The following FAM83B variants were observed in gnomAD, a reference collection of about 807,000 sequenced individuals.
FAM83B encodes the protein protein FAM83B.
FAM83B carries 26 observed loss-of-function variants against 38.8 expected under a neutral mutation model. The observed-to-expected ratio is 0.67, with a 90% confidence interval of 0.49 to 0.93. The LOEUF (loss-of-function observed/expected upper bound fraction) is 0.93, where lower values mean the gene tolerates loss of function less well. Among genes scored for constraint, FAM83B ranks in the 40% least tolerant of loss-of-function variants. FAM83B has a pLI of 0.00. For synonymous variants in FAM83B, 419 were observed against 423.1 expected (o/e 0.99, Z 0.12); for missense variants, 1,237 against 1,197.3 (o/e 1.03, Z -0.49).
Position 54,891,817 on chromosome 6 carries a change from CT to C in FAM83B, c.444+21135del, listed in dbSNP as rs796834812. ...TGTCATCAGGCACTGGGTTTTGTTT[CT>C]TTTTTTTCTTTTTCTTAAAATAGAG... On this transcript the variant is annotated intron_variant, in intron 2 of 4. Coordinates refer to ENST00000306858, the MANE Select transcript of FAM83B (RefSeq NM_001010872.3). 6.8e-3 allele frequency among the ~76,000 whole-genome samples: 1,033 copies of C among 151,906 alleles called. 12 individuals are homozygous for C. The highest frequency in any genetic ancestry group is 0.024 in the African/African-American group (998 of 41,430).
intron 1 of FAM83B, among the ~76,000 whole-genome samples, chr6:54,859,024 A>G (rs1291138257): frequency 6.6e-6 from 1 of 152,098 alleles, no homozygotes; most frequent in Non-Finnish European, 1.5e-5. Flanking sequence ...CAGTTTCTGT[A>G]TGGGCATTAT....
At chr6:54,927,728 T>TAAAAAAAA (rs1049777485) in intron 4 of FAM83B, 96 bp downstream of exon 4, 133 of 98,860 alleles carry the variant, frequency 1.3e-3, no homozygotes, top group African/African-American at 4.5e-3. Context: ...TTCTTAAAAG[T>TAAAAAAAA]AAAAAAAAAA....
At chr6:54,857,948 A>T (rs1771481118) in intron 1 of FAM83B, among the ~76,000 whole-genome samples, 1 of 152,138 alleles carries the variant, frequency 6.6e-6, no homozygotes, top group South Asian at 2.1e-4. Context: ...CCTAAGTTGG[A>T]AATTAACTCA....
In FAM83B at chr6:54,921,608, A is replaced by G. The variant is rs116477636; in HGVS notation, c.445-4763A>G. Among the ~76,000 whole-genome samples, 1,017 of 152,130 alleles carry G rather than the reference A, an allele frequency of 6.7e-3. 14 individuals are homozygous for G. Among genetic ancestry groups the G allele is most frequent in the African/African-American group, 0.024 (983 of 41,534 alleles). ...TGTGAATTCATGACAAGAATTAATGAAGAAGCAAGTACATAATTTAAGAAA... is the reference window on the plus strand; with the variant it reads ...TGTGAATTCATGACAAGAATTAATGGAGAAGCAAGTACATAATTTAAGAAA... On this transcript the variant is annotated intron_variant, in intron 2 of 4. Coordinates refer to ENST00000306858, the MANE Select transcript of FAM83B (RefSeq NM_001010872.3).
chr6:54,907,033 CAG>C (rs1474228782), intron 2 of FAM83B, among the ~76,000 whole-genome samples: 2 of 152,094 alleles, frequency 1.3e-5, no homozygotes, highest in African/African-American at 4.8e-5. Context: ...TAAGGGTGAA[CAG>C]TAGCATCAAA....
chr6:54,848,165 A>G lies in FAM83B; in HGVS notation c.-61+1339A>G, dbSNP rs1258045430. Among the ~76,000 whole-genome samples the G allele has an allele frequency of 2.6e-5, 4 of 152,202 alleles. No homozygotes were observed. The South Asian group carries it at 6.2e-4, about 24-fold the overall frequency. On this transcript the variant is annotated intron_variant, in intron 1 of 4. Coordinates refer to ENST00000306858, the MANE Select transcript of FAM83B (RefSeq NM_001010872.3). ...TTGGAGAATGAGAATAATGTGAAAC[A>G]GAATGATGGAAGGTTGGGAGTGCAG...
Position 54,926,389 on chromosome 6 carries a change from G to C in FAM83B, c.463G>C (p.Asp155His). 6.3e-7 allele frequency: 1 copy of C among 1,597,990 alleles called. No individual in the cohort carries two copies. The highest frequency in any genetic ancestry group is 8.5e-7 in the Non-Finnish European group (1 of 1,170,170). The change falls in exon 3 of 5, where the codon GAT becomes CAT. Residue 155 changes from aspartate to histidine, a missense_variant. Coordinates refer to ENST00000306858, the MANE Select transcript of FAM83B (RefSeq NM_001010872.3). ...TTAACAGGTCATTGCTTTAGTGATG[G>C]ATATATTTACAGATGTGGACATTTT... ...EARKVIALVM[D>H]IFTDVDIFKE...
At chr6:54,939,054 G>T (rs1773593360) in intron 4 of FAM83B, among the ~76,000 whole-genome samples, 1 of 152,106 alleles carries the variant, frequency 6.6e-6, no homozygotes, top group African/African-American at 2.4e-5. Context: ...GAGAAGTGAG[G>T]ATCCAGTTTC....
chr6:54,933,562 G>A, intron 4 of FAM83B, among the ~76,000 whole-genome samples: 1 of 76,088 alleles, frequency 1.3e-5, no homozygotes, highest in East Asian at 5.2e-3. Flanking sequence ...CATATGCCTT[G>A]TAATTTTTTG....
At chr6:54,904,679 T>G (rs527396021) in intron 2 of FAM83B, among the ~76,000 whole-genome samples, 1 of 152,324 alleles carries the variant, frequency 6.6e-6, no homozygotes, top group African/African-American at 2.4e-5. Context: ...ACTAAGAGAC[T>G]TAGATACTAA....
chr6:54,932,589 G>A (rs1164491716), intron 4 of FAM83B, among the ~76,000 whole-genome samples: 1 of 152,146 alleles, frequency 6.6e-6, no homozygotes, highest in Non-Finnish European at 1.5e-5. Flanking sequence ...ATAAGGCTTT[G>A]TGTTGCTCTC....
chr6:54,871,776 A>G (rs1771860938), intron 2 of FAM83B, among the ~76,000 whole-genome samples: 1 of 143,846 alleles, frequency 7.0e-6, no homozygotes, highest in South Asian at 2.2e-4. Flanking sequence ...AAAAAAGTAT[A>G]GGCAAAAAGT....
At chr6:54,884,438 C>T (rs1013078223) in intron 2 of FAM83B, among the ~76,000 whole-genome samples, 4 of 148,684 alleles carry the variant, frequency 2.7e-5, no homozygotes, top group South Asian at 2.1e-4. Flanking sequence ...GCCGAGACTG[C>T]GCCATTGCAC....
chr6:54,880,036 A>G (rs569934544), intron 2 of FAM83B, among the ~76,000 whole-genome samples: 1 of 152,336 alleles, frequency 6.6e-6, no homozygotes, highest in South Asian at 2.1e-4. Flanking sequence ...TTTTAAGCTA[A>G]TAAAATTTAT....
At chr6:54,905,316 TCAGTACGTGTGCGATTG>T (rs1182929375) in intron 2 of FAM83B, among the ~76,000 whole-genome samples, 2 of 152,174 alleles carry the variant, frequency 1.3e-5, no homozygotes, top group African/African-American at 4.8e-5. Flanking sequence ...TATGAAGCTC[TCAGTACGTGTGCGATTG>T]TGCTGAAAGG....
chr6:54,930,711 C>A (rs1173504435), intron 4 of FAM83B, among the ~76,000 whole-genome samples: 3 of 151,934 alleles, frequency 2.0e-5, no homozygotes, highest in Non-Finnish European at 1.5e-5. Flanking sequence ...TTTCTTGAAC[C>A]TTTCAGAATT....
chr6:54,941,516 G>A lies in FAM83B; in HGVS notation c.2545G>A (p.Val849Ile), dbSNP rs1465244268. Residue 849 changes from valine to isoleucine, a missense_variant, in exon 5 of 5, where the codon GTA (valine) becomes ATA (isoleucine). Transcript: ENST00000306858. ...QGSIHKSKED[V>I]TVSPSQEINA... Reference sequence around the variant, plus strand: ...CAGCATCCACAAGAGTAAGGAAGATGTAACAGTTAGCCCATCTCAAGAGAT... The same window carrying A: ...CAGCATCCACAAGAGTAAGGAAGATATAACAGTTAGCCCATCTCAAGAGAT... The A allele has an allele frequency of 2.5e-6, 4 of 1,613,944 alleles. No individual in the cohort carries two copies. Among genetic ancestry groups the A allele is most frequent in the Non-Finnish European group, 2.5e-6 (3 of 1,180,000 alleles).
At position 54,910,336 on chromosome 6, in the gene FAM83B, C is replaced by G. The variant is rs562612141; in HGVS notation, c.445-16035C>G. On this transcript the variant is annotated intron_variant, in intron 2 of 4. Transcript: ENST00000306858. ...GACTGTCAGGTTTTATATTTGCCAC[C>G]TAGTTTCTAAATATCTCTGAAATCC... Among the ~76,000 whole-genome samples the G allele has an allele frequency of 2.7e-4, 41 of 152,334 alleles. 1 individual carries two copies. Among genetic ancestry groups the G allele is most frequent in the Non-Finnish European group, 7.4e-5 (5 of 68,024 alleles).
rs532440220 is a variant in FAM83B at position 54,895,973 on chromosome 6, C to T, written c.444+25283C>T. 6.2e-4 allele frequency among the ~76,000 whole-genome samples: 94 copies of T among 152,288 alleles called. 1 individual carries two copies. The highest frequency in any genetic ancestry group is 1.2e-3 in the Non-Finnish European group (83 of 68,024). On this transcript the variant is annotated intron_variant, in intron 2 of 4. Transcript: ENST00000306858. ...TTATCTCAGCTCACTGTAACCTCCA[C>T]CTCTGCCTCCTGGGTTCAAGCTGTT...
Sources: allele counts gnomAD v4.1 joint callset (sites outside exome capture counted in the v4.1 genomes callset), GRCh38; gene constraint gnomAD v4.1.1; transcripts MANE v1.5; gene names NCBI Gene and HGNC (gene_info 2026-07-23, HGNC 2026-07-21).